CACNA1B: variants seen among roughly 807,000 people sequenced by gnomAD.
CACNA1B encodes voltage-dependent N-type calcium channel subunit alpha-1B.
CACNA1B carries 70 observed loss-of-function variants against 247.2 expected under a neutral mutation model. That is an observed-to-expected ratio of 0.28 (90% CI 0.23 to 0.35). The LOEUF (loss-of-function observed/expected upper bound fraction) is 0.35, where lower values mean the gene tolerates loss of function less well. CACNA1B is among the 10% of genes least tolerant of loss of function. CACNA1B has a pLI of 1.00. For synonymous variants in CACNA1B, 1,231 were observed against 1,294.4 expected (o/e 0.95, Z 1.05); for missense variants, 2,367 against 3,197.4 (o/e 0.74, Z 6.26).
At chr9:138,083,431 CAG>C (rs925711835) in intron 36 of CACNA1B, among the ~76,000 whole-genome samples, 1 of 150,888 alleles carries the variant, frequency 6.6e-6, no homozygotes, top group African/African-American at 2.5e-5. Flanking sequence ...CCTGGGAAAA[CAG>C]TACCTTGGCC....
At position 137,900,387 on chromosome 9, in the gene CACNA1B, C is replaced by A. The variant is rs577761287; in HGVS notation, c.531-12793C>A. 2.0e-5 allele frequency among the ~76,000 whole-genome samples: 3 copies of A among 152,190 alleles called. No individual in the cohort carries two copies. The South Asian group carries it at 6.2e-4, about 32-fold the overall frequency. On this transcript the variant is annotated intron_variant, in intron 3 of 46. Transcript: ENST00000371372. The stretch of plus-strand genomic sequence containing the variant: ...CCGACCTTGGGTGCCAGAGTGAGGG[C>A]GGGTCTTTACATGTGTGACTGCTGT...
rs1438596428 is a variant in CACNA1B at position 138,070,011 on chromosome 9, C to T, written c.4674+248C>T. Among the ~76,000 whole-genome samples the T allele has an allele frequency of 5.3e-5, 8 of 152,262 alleles. No homozygotes were observed. In the East Asian group the frequency reaches 1.4e-3, roughly 26 times the overall value. ...GGCCGTGGGCAGGGCTTCCCTGAGA[C>T]CTGCCCAAGGAGAGGGAGGTGGGGT... is the stretch of plus-strand genomic sequence containing the variant. On this transcript the variant is annotated intron_variant, in intron 32 of 46. Coordinates refer to ENST00000371372, the MANE Select transcript of CACNA1B (RefSeq NM_000718.4).
In CACNA1B at chr9:137,971,229, T is replaced by G. The variant is rs1958143095; in HGVS notation, c.1334-154T>G. On this transcript the variant is annotated intron_variant, in intron 10 of 46. Coordinates refer to ENST00000371372, the MANE Select transcript of CACNA1B (RefSeq NM_000718.4). This position sits in a 1 kb window ranked among gnomAD's most constrained non-coding sequence, Gnocchi z 4.4. ...ATCAGGGCCTTGGTTCCCTCAGCTG[T>G]GAAGTGGAGGTCACAGGGGTCACTG... 6.6e-6 allele frequency among the ~76,000 whole-genome samples: 1 copy of G among 152,026 alleles called. No homozygotes were observed. The highest frequency in any genetic ancestry group is 1.5e-5 in the Non-Finnish European group (1 of 67,990).
Position 138,051,514 on chromosome 9 carries a change from G to T in CACNA1B, c.3711-578G>T, listed in dbSNP as rs1334939372. Among the ~76,000 whole-genome samples the T allele has an allele frequency of 8.2e-6, 1 of 122,516 alleles. No individual in the cohort carries two copies. The highest frequency in any genetic ancestry group is 2.8e-4 in the East Asian group (1 of 3,582). 80.4% of individuals were successfully genotyped at this position (122,516 alleles called of 152,430 possible). ...CCCCTTGTTTGTCTTAGTCCACCAT[G>T]CCTCTTGCATTGCCTCTGTATTCGT... On this transcript the variant is annotated intron_variant, in intron 24 of 46. Transcript: ENST00000371372. This position sits in a 1 kb window ranked among gnomAD's most constrained non-coding sequence, Gnocchi z 4.3.
In CACNA1B at chr9:138,023,576, A is replaced by G; in HGVS notation, c.2833A>G (p.Lys945Glu). The part of the protein sequence containing the change: ...HRAHRHQDPS[K>E]ECAGAKGERR... ...CGCGCACCGGCACCAGGATCCGAGC[A>G]AGGAGTGCGCCGGCGCCAAGGGCGA... The change falls in exon 19 of 47, where the codon AAG becomes GAG. Residue 945 changes from lysine to glutamate, a missense_variant. By Grantham distance (56) the Lys-to-Glu change is moderately conservative. Around this residue, in one of 12 missense-constraint regions of CACNA1B, gnomAD observed 631 missense variants for 631.1 expected, o/e 1.00. Coordinates refer to ENST00000371372, the MANE Select transcript of CACNA1B (RefSeq NM_000718.4). 1.8e-6 allele frequency: 2 copies of G among 1,085,048 alleles called. No homozygotes were observed. The highest frequency in any genetic ancestry group is 2.2e-6 in the Non-Finnish European group (2 of 889,622). 67.2% of individuals were successfully genotyped at this position (1,085,048 alleles called of 1,614,324 possible). A position where few individuals can be genotyped will look rare whatever the true frequency, so the allele number is the denominator to read the frequency against.
chr9:137,986,522 G>A lies in CACNA1B; in HGVS notation c.1879G>A (p.Gly627Arg). The change falls in exon 14 of 47, where the codon GGG (glycine) becomes AGG (arginine). Residue 627 changes from glycine to arginine, a missense_variant. Gly to Arg is a moderately radical substitution (Grantham distance 125). This residue lies in a region of CACNA1B where 76 missense variants were observed against 191.0 expected (regional missense o/e 0.40). Coordinates refer to ENST00000371372, the MANE Select transcript of CACNA1B (RefSeq NM_000718.4). The surrounding 1 kb of genome is among the most constrained non-coding windows in gnomAD (Gnocchi z 6.0). Reference sequence around the variant, plus strand: ...GTTCATTGTGGTCTTCGCCCTGCTGGGGATGCAGCTGTTTGGGGGACAGTA... The same window carrying A: ...GTTCATTGTGGTCTTCGCCCTGCTGAGGATGCAGCTGTTTGGGGGACAGTA... ...FLFIVVFALL[G>R]MQLFGGQFNF... The A allele has an allele frequency of 6.2e-7, 1 of 1,613,856 alleles. No individual in the cohort carries two copies.
chr9:138,004,543 C>T (rs1958622607), intron 15 of CACNA1B, among the ~76,000 whole-genome samples: 1 of 142,928 alleles, frequency 7.0e-6, no homozygotes, highest in Non-Finnish European at 1.5e-5. Context: ...GAACAAGACC[C>T]TGTCTCAAAA....
At chr9:138,067,702 A>T (rs899349215) in intron 31 of CACNA1B, among the ~76,000 whole-genome samples, 29 of 152,212 alleles carry the variant, frequency 1.9e-4, no homozygotes, top group Non-Finnish European at 3.7e-4. Context: ...CTTTCAAAAC[A>T]TATAAATAAC....
At chr9:138,068,542 G>C in intron 31 of CACNA1B, 1 of 515,548 alleles carries the variant, frequency 1.9e-6, no homozygotes, top group Non-Finnish European at 3.9e-6. Context: ...GAAGCATTTA[G>C]TCCCAGTGCG....
At chr9:137,997,830 G>T (rs1042362503) in intron 15 of CACNA1B, among the ~76,000 whole-genome samples, 1 of 152,178 alleles carries the variant, frequency 6.6e-6, no homozygotes, top group African/African-American at 2.4e-5. Context: ...AAGGAAACAT[G>T]TAAAGCCATC....
At position 137,954,233 on chromosome 9, in the gene CACNA1B, G is replaced by T. The variant is rs574905389; in HGVS notation, c.1071-1465G>T. 6.6e-6 allele frequency among the ~76,000 whole-genome samples: 1 copy of T among 152,346 alleles called. No homozygotes were observed. Among genetic ancestry groups the T allele is most frequent in the East Asian group, 1.9e-4 (1 of 5,168 alleles). The stretch of plus-strand genomic sequence containing the variant: ...GGTCCTGCACCCCGGGGTGGCAGTG[G>T]TGAGAGGCCGCCTTCCCAGCCTTGC... On this transcript the variant is annotated intron_variant, in intron 7 of 46. Coordinates refer to ENST00000371372, the MANE Select transcript of CACNA1B (RefSeq NM_000718.4). The surrounding 1 kb of genome is among the most constrained non-coding windows in gnomAD (Gnocchi z 4.1).
rs1236628142 is a variant in CACNA1B at position 137,919,148 on chromosome 9, G to A, written c.966+1717G>A. Among the ~76,000 whole-genome samples the A allele has an allele frequency of 1.3e-5, 2 of 152,250 alleles. No homozygotes were observed. Among genetic ancestry groups the A allele is most frequent in the African/African-American group, 4.8e-5 (2 of 41,482 alleles). ...GCCTCCCGCAGGAGGGGATGGGCAGGAGCCCCATCCTGGGGCAGGCAGCAC... is the reference window on the plus strand; with the variant it reads ...GCCTCCCGCAGGAGGGGATGGGCAGAAGCCCCATCCTGGGGCAGGCAGCAC... On this transcript the variant is annotated intron_variant, in intron 6 of 46. Coordinates refer to ENST00000371372, the MANE Select transcript of CACNA1B (RefSeq NM_000718.4). This position sits in a 1 kb window ranked among gnomAD's most constrained non-coding sequence, Gnocchi z 4.6.
At chr9:137,966,067 C>T (rs1052087124) in intron 10 of CACNA1B, among the ~76,000 whole-genome samples, 1 of 152,102 alleles carries the variant, frequency 6.6e-6, no homozygotes, top group African/African-American at 2.4e-5. Flanking sequence ...TGCACCTTGT[C>T]GACATTGAAT....
chr9:137,937,075 A>T (rs1181726126), intron 6 of CACNA1B, among the ~76,000 whole-genome samples: 1 of 152,128 alleles, frequency 6.6e-6, no homozygotes, highest in Non-Finnish European at 1.5e-5. Context: ...CTTGGGCAGT[A>T]TGGCCATTTT....
chr9:137,969,657 C>T (rs1209344835), intron 10 of CACNA1B, among the ~76,000 whole-genome samples: 1 of 152,164 alleles, frequency 6.6e-6, no homozygotes, highest in Non-Finnish European at 1.5e-5. Context: ...GCCTCATGTG[C>T]ACTGAGGAGT....
intron 6 of CACNA1B, among the ~76,000 whole-genome samples, chr9:137,948,780 ATGTG>A (rs1418387759): frequency 7.9e-6 from 1 of 126,318 alleles, no homozygotes; most frequent in Non-Finnish European, 1.7e-5. Flanking sequence ...TGCATGTGGT[ATGTG>A]TGTGGTGTGT....
In CACNA1B at chr9:138,023,506, C is replaced by G; in HGVS notation, c.2763C>G (p.Arg921=). Residue 921 remains arginine, a synonymous_variant, in exon 19 of 47, where the codon CGC becomes CGG. Coordinates refer to ENST00000371372, the MANE Select transcript of CACNA1B (RefSeq NM_000718.4). ...GPEGGRRHHR[R]GSPEEAAERE... ...AGGGCGGCCGGCGGCACCACCGGCG[C>G]GGCTCCCCGGAGGAGGCGGCCGAGC... 9.3e-7 allele frequency: 1 copy of G among 1,072,080 alleles called. No homozygotes were observed. The highest frequency in any genetic ancestry group is 1.1e-6 in the Non-Finnish European group (1 of 890,918). 66.4% of individuals were successfully genotyped at this position (1,072,080 alleles called of 1,614,324 possible).
At chr9:138,022,948 C>T in intron 18 of CACNA1B, 63 bp from the exon 19 acceptor site, 1 of 1,437,596 alleles carries the variant, frequency 7.0e-7, no homozygotes, top group Admixed American at 2.6e-5. Context: ...TGCATTGTGG[C>T]CTCCCTGGAG....
At chr9:138,120,601 C>T in intron 45 of CACNA1B, 30 bp from the exon 46 acceptor site, 2 of 1,475,176 alleles carry the variant, frequency 1.4e-6, no homozygotes, top group Non-Finnish European at 9.0e-7. Flanking sequence ...TTGGGCCTGG[C>T]CGTGCTAACT....
Sources: gnomAD v4.1 joint callset for allele counts (sites outside exome capture counted in the v4.1 genomes callset) on GRCh38, gnomAD v4.1.1 for gene constraint, gnomAD v4.1.1 regional missense constraint, Gnocchi (gnomAD v3.1) non-coding constraint, MANE v1.5 for transcripts, NCBI Gene and HGNC (gene_info 2026-07-23, HGNC 2026-07-21) for gene names.